The following MME variants were observed in gnomAD, a reference collection of about 807,000 sequenced individuals.
MME encodes membrane metalloendopeptidase.
In MME, 98 loss-of-function variants were observed where a neutral mutation model predicts 113.2. The observed-to-expected ratio is 0.87, with a 90% CI of 0.74 to 1.02. The LOEUF (loss-of-function observed/expected upper bound fraction) is 1.02. MME is among the 50% of genes least tolerant of loss of function. The probability of loss-of-function intolerance (pLI) is 0.00; values close to 1 mark genes in which losing one functional copy is unlikely to be tolerated. For missense variants in MME, 836 were observed against 896.0 expected, an observed-to-expected ratio of 0.93 and a Z score of 0.86; for synonymous variants, 292 against 300.6, an observed-to-expected ratio of 0.97 and a Z score of 0.30.
chr3:155,131,223 G>C (rs1036238958), intron 8 of MME, among the ~76,000 whole-genome samples: 3 of 152,196 alleles, frequency 2.0e-5, no homozygotes, highest in Non-Finnish European at 4.4e-5. Flanking sequence ...ATGGCAGCAA[G>C]TCAGATAGAG....
chr3:155,151,073 T>TAA (rs142702408), intron 16 of MME, among the ~76,000 whole-genome samples: 1 of 147,598 alleles, frequency 6.8e-6, no homozygotes, highest in Non-Finnish European at 1.5e-5. Flanking sequence ...AGAATCCGTC[T>TAA]AAAAAAAAAA....
intron 9 of MME, among the ~76,000 whole-genome samples, chr3:155,138,522 G>T (rs1576632331): frequency 6.6e-6 from 1 of 152,140 alleles, no homozygotes; most frequent in South Asian, 2.1e-4. Flanking sequence ...ACCATTTACA[G>T]TCAAACTGTT....
intron 16 of MME, among the ~76,000 whole-genome samples, chr3:155,149,659 A>T (rs894193917): frequency 6.6e-6 from 1 of 152,002 alleles, no homozygotes; most frequent in Admixed American, 6.6e-5. Flanking sequence ...CCAAGAGGGA[A>T]ATGTCGTGCC....
At chr3:155,119,883 A>G (rs1718977338) in intron 8 of MME, among the ~76,000 whole-genome samples, 1 of 79,068 alleles carries the variant, frequency 1.3e-5, no homozygotes, top group Non-Finnish European at 2.4e-5. Context: ...ATACATGTGC[A>G]TGTGTCTTTA....
intron 3 of MME, among the ~76,000 whole-genome samples, chr3:155,111,896 T>C (rs1488975596): frequency 6.6e-6 from 1 of 152,232 alleles, no homozygotes; most frequent in African/African-American, 2.4e-5. Flanking sequence ...GTTCTTAGAA[T>C]GTCTGTAGTT....
At chr3:155,094,250 G>T (rs1160224614) in intron 3 of MME, among the ~76,000 whole-genome samples, 1 of 152,168 alleles carries the variant, frequency 6.6e-6, no homozygotes, top group Non-Finnish European at 1.5e-5. Flanking sequence ...GTAAGTTTTG[G>T]CCACATCCTG....
At chr3:155,130,865 A>G (rs183465220) in intron 8 of MME, among the ~76,000 whole-genome samples, 48 of 152,196 alleles carry the variant, frequency 3.2e-4, no homozygotes, top group Admixed American at 1.0e-3. Context: ...ATTTTTTTTT[A>G]ATTCAACAGA....
intron 3 of MME, among the ~76,000 whole-genome samples, chr3:155,096,979 A>T (rs1410383731): frequency 6.6e-6 from 1 of 152,230 alleles, no homozygotes; most frequent in South Asian, 2.1e-4. Flanking sequence ...AGTAGAATTC[A>T]TAAGGCACAA....
intron 1 of MME, among the ~76,000 whole-genome samples, chr3:155,046,554 G>T (rs1050100112): frequency 6.6e-6 from 1 of 152,174 alleles, no homozygotes; most frequent in African/African-American, 2.4e-5. Flanking sequence ...GGTGGGCGTG[G>T]TGGTGGGCAC....
chr3:155,115,175 G>A lies in MME; in HGVS notation c.358+20G>A. 6.2e-7 allele frequency: 1 copy of A among 1,612,788 alleles called. No homozygotes were observed. The highest frequency in any genetic ancestry group is 8.5e-7 in the Non-Finnish European group (1 of 1,179,194). On this transcript the variant is annotated intron_variant, in intron 4 of 22. Transcript: ENST00000360490. ...TGAAAGGTTAGTAGAGATTGTGTCT[G>A]TGCATCAAAGATTTCTCTCTTAATA...
At chr3:155,106,825 G>C (rs149588923) in intron 3 of MME, among the ~76,000 whole-genome samples, 3 of 152,294 alleles carry the variant, frequency 2.0e-5, no homozygotes, top group Non-Finnish European at 4.4e-5. Context: ...TCAGAAATGG[G>C]TGTCCTAAGG....
At chr3:155,065,461 A>G (rs895154851) in intron 1 of MME, among the ~76,000 whole-genome samples, 1 of 152,198 alleles carries the variant, frequency 6.6e-6, no homozygotes, top group African/African-American at 2.4e-5. Context: ...TATAAAGACA[A>G]ATGGAGACAC....
intron 10 of MME, among the ~76,000 whole-genome samples, chr3:155,141,643 A>C (rs946277424): frequency 1.3e-5 from 2 of 152,202 alleles, no homozygotes; most frequent in African/African-American, 4.8e-5. Context: ...CACTTTACAC[A>C]CATTTCCATT....
rs73875817 is a variant in MME, at chr3:155,133,248, A to G, written c.721-4854A>G. 3.1e-3 allele frequency among the ~76,000 whole-genome samples: 476 copies of G among 151,730 alleles called. 2 individuals carry two copies. Among genetic ancestry groups the G allele is most frequent in the African/African-American group, 0.01 (430 of 41,380 alleles). On this transcript the variant is annotated intron_variant, in intron 8 of 22. Coordinates refer to ENST00000360490, the MANE Select transcript of MME (RefSeq NM_007289.4). ...CTGACACCAGATAAATTTGGAAGTC[A>G]GGAAAGATAGTCATGATACTAAGAC...
intron 9 of MME, among the ~76,000 whole-genome samples, chr3:155,139,157 G>A (rs1720865377): frequency 6.6e-6 from 1 of 152,146 alleles, no homozygotes; most frequent in African/African-American, 2.4e-5. Context: ...ATGTGGTTCT[G>A]TGTTGGAAAC....
intron 1 of MME, 132 bp from the exon 2 acceptor site, chr3:155,084,025 CT>C: frequency 4.7e-6 from 4 of 859,928 alleles, no homozygotes; most frequent in Non-Finnish European, 7.3e-6. Context: ...AAAATTTTGA[CT>C]TCTCAACAGC....
At chr3:155,032,139 A>G (rs972592012) in intron 1 of MME, among the ~76,000 whole-genome samples, 1 of 152,176 alleles carries the variant, frequency 6.6e-6, no homozygotes, top group Non-Finnish European at 1.5e-5. Context: ...TTAAAGATAG[A>G]TCTCTCCTTT....
intron 3 of MME, among the ~76,000 whole-genome samples, chr3:155,088,503 G>C (rs1715975424): frequency 6.6e-6 from 1 of 152,076 alleles, no homozygotes; most frequent in Non-Finnish European, 1.5e-5. Context: ...GACCAACATG[G>C]AGAAAACCCA....
chr3:155,158,041 A>G (rs1398640921), intron 16 of MME, among the ~76,000 whole-genome samples: 1 of 152,134 alleles, frequency 6.6e-6, no homozygotes, highest in Non-Finnish European at 1.5e-5. Context: ...AGCAATAGAC[A>G]CAAGATGGAT....
Sources: gnomAD v4.1 joint callset for allele counts (sites outside exome capture counted in the v4.1 genomes callset) on GRCh38, gnomAD v4.1.1 for gene constraint, MANE v1.5 for transcripts, NCBI Gene and HGNC (gene_info 2026-07-23, HGNC 2026-07-21) for gene names.